The following VSTM4 variants were observed in gnomAD, a reference collection of about 807,000 sequenced individuals.
VSTM4 encodes the protein V-set and transmembrane domain-containing protein 4.
VSTM4 carries 20 observed loss-of-function variants against 36.4 expected under a neutral mutation model. The ratio of observed to expected loss-of-function variants is 0.55; its 90% CI spans 0.39 to 0.80. The LOEUF is 0.80. VSTM4 is among the 30% of genes least tolerant of loss of function. The pLI is 0.00. For missense variants in VSTM4, 392 were observed against 404.5 expected (o/e 0.97, Z 0.26); for synonymous variants, 182 against 173.9 (o/e 1.05, Z -0.37).
intron 2 of VSTM4, among the ~76,000 whole-genome samples, chr10:49,094,768 C>T (rs1005305222): frequency 1.3e-5 from 2 of 149,524 alleles, no homozygotes; most frequent in African/African-American, 4.9e-5. Context: ...ACTGGATCAA[C>T]ATTCTCAGTG....
intron 7 of VSTM4, among the ~76,000 whole-genome samples, chr10:49,021,393 T>C (rs560952618): frequency 1.6e-4 from 25 of 152,268 alleles, no homozygotes; most frequent in African/African-American, 6.0e-4. Flanking sequence ...GAAAAAAAGA[T>C]GTGTGTACAT....
At chr10:49,071,700 T>C (rs1358401598) in intron 4 of VSTM4, among the ~76,000 whole-genome samples, 1 of 152,166 alleles carries the variant, frequency 6.6e-6, no homozygotes, top group Non-Finnish European at 1.5e-5. Context: ...GACCAGCTAC[T>C]CTGATGTCCT....
chr10:49,025,233 C>A (rs1010496910), intron 7 of VSTM4, among the ~76,000 whole-genome samples: 1 of 152,036 alleles, frequency 6.6e-6, no homozygotes, highest in Non-Finnish European at 1.5e-5. Context: ...GTTATGGCAG[C>A]CCTAGCAAAT....
chr10:49,055,453 ATCTTGAAGGAGGGGCATTGG>A (rs1033041596), intron 5 of VSTM4, among the ~76,000 whole-genome samples: 1 of 152,182 alleles, frequency 6.6e-6, no homozygotes, highest in African/African-American at 2.4e-5. Context: ...TATGTGCAGA[ATCTTGAAGGAGGGGCATTGG>A]TCTCCACAAC....
intron 2 of VSTM4, among the ~76,000 whole-genome samples, chr10:49,088,253 T>C (rs1169380104): frequency 1.3e-5 from 2 of 152,160 alleles, no homozygotes; most frequent in East Asian, 3.8e-4. Context: ...ACTGGGCACA[T>C]TGCCTGGCAG....
intron 7 of VSTM4, among the ~76,000 whole-genome samples, chr10:49,030,771 C>T (rs146714057): frequency 1.7e-3 from 260 of 152,312 alleles, no homozygotes; most frequent in Middle Eastern, 3.4e-3. Context: ...GTGACCCCTT[C>T]GGGAGCCTGC....
At chr10:49,101,158 A>T (rs1844658718) in intron 2 of VSTM4, among the ~76,000 whole-genome samples, 1 of 152,194 alleles carries the variant, frequency 6.6e-6, no homozygotes, top group African/African-American at 2.4e-5. Flanking sequence ...TACCATGTAC[A>T]ATGTATTGAA....
intron 6 of VSTM4, among the ~76,000 whole-genome samples, chr10:49,048,189 T>C (rs2246796): frequency 0.88 from 133,409 of 152,196 alleles, 60,869 homozygotes; most frequent in Non-Finnish European, 1. Flanking sequence ...AAGTGAAACA[T>C]AATCTGGAAT....
At chr10:49,072,407 T>C (rs1413198180) in intron 4 of VSTM4, among the ~76,000 whole-genome samples, 2 of 152,196 alleles carry the variant, frequency 1.3e-5, no homozygotes, top group African/African-American at 2.4e-5. Flanking sequence ...GTCGCAGTTA[T>C]GCCCCAGCCA....
intron 7 of VSTM4, among the ~76,000 whole-genome samples, chr10:49,043,912 A>C (rs935557835): frequency 2.0e-5 from 3 of 152,260 alleles, no homozygotes; most frequent in African/African-American, 4.8e-5. Context: ...TTATGAGTTT[A>C]CTGGCTATTT....
At chr10:49,046,758 C>A (rs1040919322) in intron 7 of VSTM4, among the ~76,000 whole-genome samples, 2 of 152,182 alleles carry the variant, frequency 1.3e-5, no homozygotes, top group African/African-American at 4.8e-5. Flanking sequence ...TGAAACAGAG[C>A]ATCTATAATA....
At chr10:49,110,597 A>G (rs2132030896) in intron 1 of VSTM4, among the ~76,000 whole-genome samples, 1 of 152,164 alleles carries the variant, frequency 6.6e-6, no homozygotes, top group South Asian at 2.1e-4. Flanking sequence ...ATGGGACTGT[A>G]TTTGCAGATA....
In VSTM4 at chr10:49,093,363, A is replaced by G. The variant is rs112225363; in HGVS notation, c.458-7340T>C. ...CCACACCCCTATCGCATGCACTGGTAGGGGGACAAGGGAACTTTTCCCGTT... is the reference window on the plus strand; with the variant it reads ...CCACACCCCTATCGCATGCACTGGTGGGGGGACAAGGGAACTTTTCCCGTT... On this transcript the variant is annotated intron_variant, in intron 2 of 7. Coordinates refer to ENST00000332853, the MANE Select transcript of VSTM4 (RefSeq NM_001031746.5). 2.5e-4 allele frequency among the ~76,000 whole-genome samples: 38 copies of G among 152,320 alleles called. 1 individual carries two copies. Among genetic ancestry groups the G allele is most frequent in the African/African-American group, 8.9e-4 (37 of 41,562 alleles).
intron 5 of VSTM4, among the ~76,000 whole-genome samples, chr10:49,060,035 C>T (rs1843847838): frequency 6.6e-6 from 1 of 152,206 alleles, no homozygotes; most frequent in Non-Finnish European, 1.5e-5. Flanking sequence ...GGTCCATACC[C>T]AGTGTGTTCC....
chr10:49,044,119 T>G (rs181657360), intron 7 of VSTM4, among the ~76,000 whole-genome samples: 20 of 152,244 alleles, frequency 1.3e-4, no homozygotes, highest in Admixed American at 6.5e-4. Context: ...CTTGAGGCCA[T>G]GAGCTCGAAA....
At chr10:49,113,126 T>C (rs1290033922) in intron 1 of VSTM4, among the ~76,000 whole-genome samples, 3 of 152,188 alleles carry the variant, frequency 2.0e-5, no homozygotes, top group Admixed American at 2.0e-4. Context: ...CCTGCTCACT[T>C]CAGGGAGACC....
At chr10:49,073,068 A>G (rs1330199087) in intron 4 of VSTM4, among the ~76,000 whole-genome samples, 1 of 152,238 alleles carries the variant, frequency 6.6e-6, no homozygotes, top group Non-Finnish European at 1.5e-5. Context: ...CCTTAAAACA[A>G]GGCCATATTT....
intron 4 of VSTM4, among the ~76,000 whole-genome samples, chr10:49,065,471 G>C (rs947245136): frequency 1.3e-5 from 2 of 152,144 alleles, no homozygotes; most frequent in African/African-American, 2.4e-5. Flanking sequence ...AACTTGCTTT[G>C]GTCAAGAGAA....
chr10:49,084,782 T>C (rs1269512814), intron 3 of VSTM4, among the ~76,000 whole-genome samples: 2 of 152,242 alleles, frequency 1.3e-5, no homozygotes, highest in East Asian at 3.8e-4. Context: ...CTTTAATTGC[T>C]TATGATCATA....
Sources: allele counts gnomAD v4.1 joint callset (sites outside exome capture counted in the v4.1 genomes callset), GRCh38; gene constraint gnomAD v4.1.1; transcripts MANE v1.5; gene names NCBI Gene and HGNC (gene_info 2026-07-23, HGNC 2026-07-21).